Variants in CSMD1 observed in about 807,000 individuals in gnomAD.
CSMD1 encodes the protein CUB and sushi domain-containing protein 1.
Under a neutral mutation model 417.5 loss-of-function variants are expected in CSMD1, and 213 were observed. The observed-to-expected ratio is 0.51, with a 90% CI of 0.46 to 0.57. CSMD1 has a LOEUF of 0.57. Ranked by LOEUF, CSMD1 falls within the 20% of genes least tolerant of loss-of-function variation. CSMD1 has a pLI of 0.00. For missense variants in CSMD1, 6,923 were observed against 4,529.7 expected, an observed-to-expected ratio of 1.53 and a Z score of -15.17; for synonymous variants, 2,862 against 1,736.8, an observed-to-expected ratio of 1.65 and a Z score of -16.11.
Position 3,340,997 on chromosome 8 carries a change from A to G in CSMD1, c.3631+2297T>C, listed in dbSNP as rs2117599448. Among the ~76,000 whole-genome samples the G allele has an allele frequency of 1.3e-5, 2 of 152,352 alleles. 1 individual carries two copies. Among genetic ancestry groups the G allele is most frequent in the South Asian group, 4.1e-4 (2 of 4,830 alleles). ...GAACATTTGTGCTACTATGTAATCA[A>G]AAATGTCTGTAGAATTGGAAAGTGC... On this transcript the variant is annotated intron_variant, in intron 23 of 69. Transcript: ENST00000635120.
At chr8:3,718,018 C>T (rs895091137) in intron 6 of CSMD1, among the ~76,000 whole-genome samples, 1 of 152,098 alleles carries the variant, frequency 6.6e-6, no homozygotes, top group Non-Finnish European at 1.5e-5. Flanking sequence ...TTAACTAAAG[C>T]CTCTCTGCCC....
intron 26 of CSMD1, among the ~76,000 whole-genome samples, chr8:3,265,016 G>C (rs186585715): frequency 6.6e-6 from 1 of 152,158 alleles, no homozygotes; most frequent in South Asian, 2.1e-4. Flanking sequence ...ACCTCTGTGA[G>C]AATTTAAATT....
intron 1 of CSMD1, among the ~76,000 whole-genome samples, chr8:4,654,912 C>G (rs1021690149): frequency 1.3e-5 from 2 of 151,640 alleles, no homozygotes; most frequent in Non-Finnish European, 2.9e-5. Flanking sequence ...TACAATATAC[C>G]CATGTAACAA....
At chr8:4,534,277 C>A (rs1796985242) in intron 2 of CSMD1, among the ~76,000 whole-genome samples, 1 of 152,194 alleles carries the variant, frequency 6.6e-6, no homozygotes, top group Admixed American at 6.5e-5. Flanking sequence ...CCCAAGGATG[C>A]TCAAGGAGGC....
chr8:3,947,934 G>C lies in CSMD1; in HGVS notation c.818+49969C>G, dbSNP rs192294964. Among the ~76,000 whole-genome samples the C allele has an allele frequency of 1.1e-4, 16 of 152,268 alleles. No individual in the cohort carries two copies. The East Asian group carries it at 2.9e-3, about 28-fold the overall frequency. On this transcript the variant is annotated intron_variant, in intron 5 of 69. Coordinates refer to ENST00000635120, the MANE Select transcript of CSMD1 (RefSeq NM_033225.6). Reference sequence around the variant, plus strand: ...AAATCTCCAATGGTAGGCTGGGGGTGGCGTCTCATGCCTGTAATCCCAGCA... The same window carrying C: ...AAATCTCCAATGGTAGGCTGGGGGTCGCGTCTCATGCCTGTAATCCCAGCA...
At chr8:3,757,058 C>T (rs533800976) in intron 5 of CSMD1, among the ~76,000 whole-genome samples, 11 of 152,204 alleles carry the variant, frequency 7.2e-5, no homozygotes, top group Admixed American at 2.6e-4. Flanking sequence ...TCACCTTTGC[C>T]TCTCAGAGTG....
At chr8:4,921,094 G>C (rs1052280600) in intron 1 of CSMD1, among the ~76,000 whole-genome samples, 2 of 149,334 alleles carry the variant, frequency 1.3e-5, no homozygotes, top group Non-Finnish European at 3.0e-5. Context: ...GAAAGAAAAA[G>C]AAAAAAGAAG....
At chr8:3,505,825 A>T (rs1460890047) in intron 10 of CSMD1, among the ~76,000 whole-genome samples, 1 of 152,306 alleles carries the variant, frequency 6.6e-6, no homozygotes, top group Non-Finnish European at 1.5e-5. Flanking sequence ...CAGGTATCGT[A>T]TCAACACACT....
intron 5 of CSMD1, among the ~76,000 whole-genome samples, chr8:3,965,074 C>T (rs922374950): frequency 1.8e-4 from 28 of 152,134 alleles, no homozygotes; most frequent in African/African-American, 5.8e-4. Flanking sequence ...ATAAAGCACT[C>T]GCCGCAGTAG....
chr8:3,541,336 T>C (rs1488864514), intron 10 of CSMD1, among the ~76,000 whole-genome samples: 1 of 151,976 alleles, frequency 6.6e-6, no homozygotes, highest in East Asian at 1.9e-4. Flanking sequence ...TGAGAACACA[T>C]GGACACAGGG....
At chr8:4,986,101 G>T (rs1811167105) in intron 1 of CSMD1, among the ~76,000 whole-genome samples, 1 of 152,172 alleles carries the variant, frequency 6.6e-6, no homozygotes, top group Admixed American at 6.5e-5. Flanking sequence ...TTGAAATGTG[G>T]TGACTAAAAT....
intron 7 of CSMD1, among the ~76,000 whole-genome samples, chr8:3,630,659 G>C (rs1214626886): frequency 1.3e-5 from 2 of 152,152 alleles, no homozygotes; most frequent in African/African-American, 4.8e-5. Flanking sequence ...AGATTTCATT[G>C]CGTTCGAGAA....
intron 1 of CSMD1, among the ~76,000 whole-genome samples, chr8:4,884,393 T>A (rs1378584670): frequency 6.6e-6 from 1 of 152,076 alleles, no homozygotes; most frequent in Admixed American, 6.5e-5. Flanking sequence ...GTCCAATATC[T>A]ATATGTATTT....
At chr8:3,269,071 G>C (rs915932088) in intron 26 of CSMD1, among the ~76,000 whole-genome samples, 5 of 152,200 alleles carry the variant, frequency 3.3e-5, no homozygotes, top group Non-Finnish European at 7.3e-5. Flanking sequence ...AAATGAATCA[G>C]AGCTAAAATC....
chr8:3,531,976 G>C (rs915867123), intron 10 of CSMD1, among the ~76,000 whole-genome samples: 2 of 152,168 alleles, frequency 1.3e-5, no homozygotes, highest in Non-Finnish European at 2.9e-5. Flanking sequence ...ACTGGAATGG[G>C]GGATCCCACA....
chr8:4,209,645 G>A (rs1013493815), intron 3 of CSMD1, among the ~76,000 whole-genome samples: 3 of 152,122 alleles, frequency 2.0e-5, no homozygotes, highest in African/African-American at 4.8e-5. Context: ...CTTAGCCTGG[G>A]AGGGTTGTTG....
intron 1 of CSMD1, among the ~76,000 whole-genome samples, chr8:4,957,297 A>G (rs969156682): frequency 4.6e-5 from 7 of 152,298 alleles, no homozygotes; most frequent in Non-Finnish European, 1.0e-4. Context: ...CAAAGGGCAA[A>G]GCCCCTAATA....
intron 41 of CSMD1, among the ~76,000 whole-genome samples, chr8:3,125,342 C>G (rs539431954): frequency 2.0e-5 from 3 of 152,178 alleles, no homozygotes; most frequent in Admixed American, 6.5e-5. Context: ...GCGAAGGAGG[C>G]GTCAATCTGC....
chr8:3,931,926 A>C (rs1398871402), intron 5 of CSMD1, among the ~76,000 whole-genome samples: 1 of 149,578 alleles, frequency 6.7e-6, no homozygotes, highest in Non-Finnish European at 1.5e-5. Context: ...AGATCACAGA[A>C]CCCAATTGTA....
Sources: allele counts gnomAD v4.1 joint callset (sites outside exome capture counted in the v4.1 genomes callset), GRCh38; gene constraint gnomAD v4.1.1; transcripts MANE v1.5; gene names NCBI Gene and HGNC (gene_info 2026-07-23, HGNC 2026-07-21).